The following PHRF1 variants were observed in gnomAD, a reference collection of about 807,000 sequenced individuals.
PHRF1 encodes the protein PHD and ring finger domains 1, also known as PHD and RING finger domain-containing protein 1.
Under a neutral mutation model 128.9 loss-of-function variants are expected in PHRF1, and 53 were observed. That is an observed-to-expected ratio of 0.41 (90% CI 0.33 to 0.52). The LOEUF (loss-of-function observed/expected upper bound fraction) is 0.52, where lower values mean the gene tolerates loss of function less well. Among genes scored for constraint, PHRF1 ranks in the 20% least tolerant of loss-of-function variants. The probability of loss-of-function intolerance (pLI) is 0.21; values close to 1 mark genes in which losing one functional copy is unlikely to be tolerated. For missense variants in PHRF1, 2,503 were observed against 2,284.5 expected, an observed-to-expected ratio of 1.10 and a Z score of -1.95; for synonymous variants, 1,178 against 980.6, an observed-to-expected ratio of 1.20 and a Z score of -3.76.
Position 612,018 on chromosome 11 carries a change from C to T in PHRF1, c.*241C>T. ...CTTTTGTATGTATATTATAGAGACA[C>T]TGTTTCCATTCTAATTTATCAAAAA... is the stretch of plus-strand genomic sequence containing the variant. On this transcript the variant is annotated 3_prime_UTR_variant, in exon 18 of 18. Transcript: ENST00000264555. The T allele has an allele frequency of 1.7e-5, 9 of 542,088 alleles. No individual in the cohort carries two copies. The highest frequency in any genetic ancestry group is 4.8e-4 in the Middle Eastern group (1 of 2,066). The allele number at this position is 542,088 out of a possible 1,614,324, so 33.6% of individuals were successfully genotyped here. A position where few individuals can be genotyped will look rare whatever the true frequency, so the allele number is the denominator to read the frequency against.
In PHRF1 at chr11:609,800, C is replaced by A. The variant is rs57585282; in HGVS notation, c.4264+80C>A. ...GGCCCCCGCCGAGGACAGAGCCCCC[C>A]GTGAGTAAGGCCCCGGCCTCCACCG... On this transcript the variant is annotated intron_variant, in intron 14 of 17. Transcript: ENST00000264555. 9.0e-4 allele frequency: 868 copies of A among 964,206 alleles called. 35 individuals carry two copies. The African/African-American group carries it at 0.015, about 17-fold the overall frequency. The allele number at this position is 964,206 out of a possible 1,614,324, so 59.7% of individuals were successfully genotyped here. A position where few individuals can be genotyped will look rare whatever the true frequency, so the allele number is the denominator to read the frequency against.
In PHRF1 at chr11:585,680, C is replaced by CTTTTTTT. The variant is rs1212904400; in HGVS notation, c.215-1567_215-1561dup. ...AGCTTGAGGTAGTAGCTCTTCAACTCTTTTTTTTTTTTTTTTTTGAGGTCG... is the reference window on the plus strand; with the variant it reads ...AGCTTGAGGTAGTAGCTCTTCAACTCTTTTTTTTTTTTTTTTTTTTTTTTTGAGGTCG... On this transcript the variant is annotated intron_variant, in intron 3 of 17. Coordinates refer to ENST00000264555, the MANE Select transcript of PHRF1 (RefSeq NM_001286581.2). Among the ~76,000 whole-genome samples, 19 of 70,372 alleles carry CTTTTTTT rather than the reference C, an allele frequency of 2.7e-4. 7 individuals carry two copies. The highest frequency in any genetic ancestry group is 1.4e-3 in the African/African-American group (19 of 13,502). 46.2% of individuals were successfully genotyped at this position (70,372 alleles called of 152,430 possible).
At chr11:581,674 G>C in intron 2 of PHRF1, 68 bp downstream of exon 2, 2 of 1,422,636 alleles carry the variant, frequency 1.4e-6, no homozygotes, top group Non-Finnish European at 1.9e-6. Context: ...TCCCTTTGGA[G>C]GTCGTCTGTG....
intron 3 of PHRF1, among the ~76,000 whole-genome samples, chr11:584,780 C>A (rs1854427549): frequency 6.8e-6 from 1 of 147,318 alleles, no homozygotes; most frequent in African/African-American, 2.5e-5. Context: ...TCTTGTTGCC[C>A]AGGCTGGAGT....
At position 607,654 on chromosome 11, in the gene PHRF1, C is replaced by T. The variant is rs776825468; in HGVS notation, c.2198C>T (p.Ala733Val). 1 of 1,610,878 alleles carries T rather than the reference C, an allele frequency of 6.2e-7. No individual in the cohort carries two copies. Among genetic ancestry groups the T allele is most frequent in the Non-Finnish European group, 8.5e-7 (1 of 1,178,818 alleles). Residue 733 changes from alanine (A) to valine (V), a missense_variant, in exon 14 of 18, where the codon GCC becomes GTC. Coordinates refer to ENST00000264555, the MANE Select transcript of PHRF1 (RefSeq NM_001286581.2). ...PGRGTRAESE[A>V]SSRVPREPGV... The stretch of plus-strand genomic sequence containing the variant: ...CGAGGCACACGGGCAGAGAGCGAGG[C>T]CAGCAGCAGGGTGCCCCGGGAGCCC...
chr11:608,918 GC>G lies in PHRF1; in HGVS notation c.3466del (p.Arg1156GlufsTer43). The G allele has an allele frequency of 6.2e-7, 1 of 1,611,906 alleles. No homozygotes were observed. Among genetic ancestry groups the G allele is most frequent in the East Asian group, 2.2e-5 (1 of 44,838 alleles). On this transcript the variant is annotated frameshift_variant, in exon 14 of 18. Coordinates refer to ENST00000264555, the MANE Select transcript of PHRF1 (RefSeq NM_001286581.2). LOFTEE classifies it high-confidence loss of function. Reference protein sequence around the residue: ...RPDRKESVAWPRDRRKRRSRS... With the variant: ...RPDRKESVAWXRDRRKRRSRS... Reference sequence around the variant, plus strand: ...CAGACAGGAAGGAGAGTGTGGCGTGGCCCCGAGACCGGAGGAAGCGGAGGTC... The same window carrying G: ...CAGACAGGAAGGAGAGTGTGGCGTGGCCCGAGACCGGAGGAAGCGGAGGTC...
In PHRF1 at chr11:610,718, C is replaced by T. The variant is rs1291025025; in HGVS notation, c.4634C>T (p.Thr1545Ile). The change falls in exon 16 of 18, where the codon ACC becomes ATC. Residue 1545 changes from threonine to isoleucine, a missense_variant. Coordinates refer to ENST00000264555, the MANE Select transcript of PHRF1 (RefSeq NM_001286581.2). ...ATAASNSEEKTPAPRLAAEKT... is the reference protein window; with the variant it reads ...ATAASNSEEKIPAPRLAAEKT... ...GCAGCCAGCAACTCGGAGGAGAAGA[C>T]CCCGGCCCCCAGGCTAGCTGCGGAG... 4 of 1,602,600 alleles carry T rather than the reference C, an allele frequency of 2.5e-6. No homozygotes were observed. The African/African-American group carries it at 5.3e-5, about 21-fold the overall frequency.
rs141387654 is a variant in PHRF1, at chr11:590,425, C to T, written c.421-959C>T. ...CATGAGCAGAGTCCATGCTGCGGCT[C>T]CAATCCTGAGAAACCCCAGGGAAGA... On this transcript the variant is annotated intron_variant, in intron 4 of 17. Coordinates refer to ENST00000264555, the MANE Select transcript of PHRF1 (RefSeq NM_001286581.2). Among the ~76,000 whole-genome samples the T allele has an allele frequency of 6.6e-5, 10 of 152,280 alleles. No individual in the cohort carries two copies. In the East Asian group the frequency reaches 1.9e-3, roughly 29 times the overall value.
Position 607,189 on chromosome 11 carries a change from C to G in PHRF1, c.1733C>G (p.Pro578Arg), listed in dbSNP as rs779041785. 2.9e-5 allele frequency: 47 copies of G among 1,612,674 alleles called. No homozygotes were observed. Among genetic ancestry groups the G allele is most frequent in the Non-Finnish European group, 3.8e-5 (45 of 1,179,814 alleles). Reference sequence around the variant, plus strand: ...GCCCAAGGCCCGTCAGGAAACAGGCCACAGAGCACAGGGCTCAGCTGTCAA... The same window carrying G: ...GCCCAAGGCCCGTCAGGAAACAGGCGACAGAGCACAGGGCTCAGCTGTCAA... The part of the protein sequence containing the change: ...SPAQGPSGNR[P>R]QSTGLSCQGR... The change falls in exon 14 of 18, where the codon CCA becomes CGA. Residue 578 changes from proline to arginine, a missense_variant. By Grantham distance (103) the Pro-to-Arg change is moderately radical. Transcript: ENST00000264555.
chr11:608,836 G>A lies in PHRF1; in HGVS notation c.3380G>A (p.Ser1127Asn). 1 of 1,612,228 alleles carries A rather than the reference G, an allele frequency of 6.2e-7. No individual in the cohort carries two copies. The highest frequency in any genetic ancestry group is 8.5e-7 in the Non-Finnish European group (1 of 1,179,828). Residue 1127 changes from serine (S) to asparagine (N), a missense_variant, in exon 14 of 18, where the codon AGC becomes AAC. Physicochemically the swap from Ser to Asn is conservative, Grantham distance 46. Transcript: ENST00000264555. ...RPRGRECSPT[S>N]SLERLCRHKH... ...CGGGGAAGGGAGTGCTCCCCCACCA[G>A]CAGCCTGGAGAGGCTCTGCAGGCAC...
At chr11:576,698 C>T (rs1424204867) in intron 1 of PHRF1, 106 bp downstream of exon 1, 1 of 147,258 alleles carries the variant, frequency 6.8e-6, no homozygotes, top group Non-Finnish European at 1.5e-5. Flanking sequence ...GGGGCGAGGC[C>T]TGCGCCGCGC....
intron 3 of PHRF1, among the ~76,000 whole-genome samples, chr11:582,772 C>T (rs1034403506): frequency 6.6e-6 from 1 of 151,850 alleles, no homozygotes; most frequent in Non-Finnish European, 1.5e-5. Flanking sequence ...GATCCGCCCA[C>T]CTCAGCCTCC....
chr11:610,700 G>C lies in PHRF1; in HGVS notation c.4616G>C (p.Ser1539Thr). ...CCAGCCAGTCAAGCCACTGCAGCCA[G>C]CAACTCGGAGGAGAAGACCCCGGCC... ...SEPASQATAA[S>T]NSEEKTPAPR... Residue 1539 changes from serine (S) to threonine (T), a missense_variant, in exon 16 of 18, where the codon AGC (serine) becomes ACC (threonine). By Grantham distance (58) the Ser-to-Thr change is moderately conservative. Transcript: ENST00000264555. 1 of 1,603,670 alleles carries C rather than the reference G, an allele frequency of 6.2e-7. No individual in the cohort carries two copies. Among genetic ancestry groups the C allele is most frequent in the East Asian group, 2.2e-5 (1 of 44,880 alleles).
At chr11:582,867 T>G (rs1854291500) in intron 3 of PHRF1, among the ~76,000 whole-genome samples, 1 of 149,752 alleles carries the variant, frequency 6.7e-6, no homozygotes, top group African/African-American at 2.4e-5. Flanking sequence ...ACCCCCTCTC[T>G]ACTACAAATA....
In PHRF1 at chr11:609,230, C is replaced by T. The variant is rs1485492334; in HGVS notation, c.3774C>T (p.Asp1258=). The T allele has an allele frequency of 1.1e-5, 17 of 1,610,652 alleles. No individual in the cohort carries two copies. The highest frequency in any genetic ancestry group is 3.3e-5 in the Admixed American group (2 of 60,010). ...VAAECEPDDL[D]LDYGDSVEAG... is the part of the protein sequence containing the mutation. The stretch of plus-strand genomic sequence containing the variant: ...CTGAGTGTGAGCCGGACGACCTGGA[C>T]CTGGATTATGGCGACTCCGTGGAGG... Residue 1258 remains aspartate (D), a synonymous_variant, in exon 14 of 18, where the codon GAC becomes GAT. Transcript: ENST00000264555.
At position 608,267 on chromosome 11, in the gene PHRF1, C is replaced by G. The variant is rs556043379; in HGVS notation, c.2811C>G (p.Pro937=). ...CTGCCCGGCTGCGGAGGCCATCCCC[C>G]CCAGAGCCCTGGGATGAGGAGGATG... ...GLAARLRRPS[P]PEPWDEEDGA... The change falls in exon 14 of 18, where the codon CCC becomes CCG. Residue 937 remains proline, a synonymous_variant. Transcript: ENST00000264555. 8 of 1,610,152 alleles carry G rather than the reference C, an allele frequency of 5.0e-6. No homozygotes were observed. In the East Asian group the frequency reaches 8.9e-5, roughly 18 times the overall value.
In PHRF1 at chr11:605,627, C is replaced by T. The variant is rs375576584; in HGVS notation, c.1357C>T (p.Pro453Ser). The T allele has an allele frequency of 1.2e-6, 2 of 1,613,678 alleles. No homozygotes were observed. The highest frequency in any genetic ancestry group is 8.5e-7 in the Non-Finnish European group (1 of 1,179,874). Reference sequence around the variant, plus strand: ...TAGCAGTGAAGAGCTTTCTGCAAACCCTCTTTCCCCTCTGAGTGCCAAGAG... The same window carrying T: ...TAGCAGTGAAGAGCTTTCTGCAAACTCTCTTTCCCCTCTGAGTGCCAAGAG... ...FDSSEELSAN[P>S]LSPLSAKRRA... Residue 453 changes from proline (P) to serine (S), a missense_variant, in exon 12 of 18, where the codon CCT (proline) becomes TCT (serine). Coordinates refer to ENST00000264555, the MANE Select transcript of PHRF1 (RefSeq NM_001286581.2).
At position 597,631 on chromosome 11, in the gene PHRF1, G is replaced by A; in HGVS notation, c.894+61G>A. On this transcript the variant is annotated intron_variant, in intron 8 of 17. Coordinates refer to ENST00000264555, the MANE Select transcript of PHRF1 (RefSeq NM_001286581.2). The surrounding 1 kb of genome is among the most constrained non-coding windows in gnomAD (Gnocchi z 6.5). Reference sequence around the variant, plus strand: ...CCAGCTGCCCAGAGTGATCTCGGCAGTCTGGGTGGGTGGGAGGGGCGTCGT... The same window carrying A: ...CCAGCTGCCCAGAGTGATCTCGGCAATCTGGGTGGGTGGGAGGGGCGTCGT... 1 of 1,494,534 alleles carries A rather than the reference G, an allele frequency of 6.7e-7. No individual in the cohort carries two copies. The highest frequency in any genetic ancestry group is 1.2e-5 in the South Asian group (1 of 82,000). The allele number at this position is 1,494,534 out of a possible 1,614,324, so 92.6% of individuals were successfully genotyped here.
intron 1 of PHRF1, among the ~76,000 whole-genome samples, 196 bp from the exon 2 acceptor site, chr11:581,296 C>T (rs1465486706): frequency 6.6e-6 from 1 of 152,102 alleles, no homozygotes; most frequent in Non-Finnish European, 1.5e-5. Context: ...GGATGTGACA[C>T]TGGGACACTG....
Sources: allele counts gnomAD v4.1 joint callset (sites outside exome capture counted in the v4.1 genomes callset), GRCh38; gene constraint gnomAD v4.1.1; non-coding constraint Gnocchi (gnomAD v3.1); transcripts MANE v1.5; gene names NCBI Gene and HGNC (gene_info 2026-07-23, HGNC 2026-07-21).